Variants in IYD observed in about 807,000 individuals in gnomAD.
The protein encoded by IYD is iodotyrosine deiodinase.
A neutral mutation model predicts 28.4 loss-of-function variants in IYD; 25 were observed. The ratio of observed to expected loss-of-function variants is 0.88; its 90% CI spans 0.64 to 1.23. The LOEUF is 1.23. Among genes scored for constraint, IYD ranks in the 50% most tolerant of loss-of-function variants. The pLI is 0.00. For synonymous variants in IYD, 140 were observed against 130.8 expected (o/e 1.07, Z -0.48); for missense variants, 352 against 357.9 (o/e 0.98, Z 0.13).
At position 150,404,977 on chromosome 6, in the gene IYD, C is replaced by G. The variant is rs567866574; in HGVS notation, c.*6740C>G. The G allele has an allele frequency of 2.6e-5, 4 of 152,344 alleles. No homozygotes were observed. Among genetic ancestry groups the G allele is most frequent in the African/African-American group, 9.6e-5 (4 of 41,574 alleles). The allele number at this position is 152,344 out of a possible 1,614,324, so 9.4% of individuals were successfully genotyped here. ...GCTGTTATAGCTTCACCAATCACAA[C>G]AAGCACAGTGCTTGGAACATAATAG... is the stretch of plus-strand genomic sequence containing the variant. On this transcript the variant is annotated 3_prime_UTR_variant, in exon 5 of 5. Transcript: ENST00000344419.
chr6:150,370,319 A>ATGAGTGTGTGTG (rs1777187593), intron 1 of IYD, among the ~76,000 whole-genome samples: 1 of 149,088 alleles, frequency 6.7e-6, no homozygotes. Flanking sequence ...GTGTGTGTGC[A>ATGAGTGTGTGTG]CGAGTGGGTG....
intron 4 of IYD, among the ~76,000 whole-genome samples, chr6:150,394,880 G>A (rs1778253571): frequency 6.6e-6 from 1 of 152,204 alleles, no homozygotes; most frequent in Admixed American, 6.5e-5. Context: ...TCAGGCTGGA[G>A]TGCAGTGGCA....
chr6:150,378,226 T>C (rs936096679), intron 1 of IYD, among the ~76,000 whole-genome samples: 1 of 151,294 alleles, frequency 6.6e-6, no homozygotes, highest in African/African-American at 2.4e-5. Flanking sequence ...ATGTGCACAA[T>C]GTGCAGGTTA....
chr6:150,398,761 G>A lies in IYD; in HGVS notation c.*524G>A, dbSNP rs1778418987. 6.4e-6 allele frequency: 1 copy of A among 155,598 alleles called. No individual in the cohort carries two copies. Among genetic ancestry groups the A allele is most frequent in the East Asian group, 1.9e-4 (1 of 5,240 alleles). 9.6% of individuals were successfully genotyped at this position (155,598 alleles called of 1,614,324 possible). On this transcript the variant is annotated 3_prime_UTR_variant, in exon 5 of 5. Transcript: ENST00000344419. ...TAACCATCAAAGTTACTAAAACATGGCCAGGCGCAGTGGCTCATGCCTGTA... is the reference window on the plus strand; with the variant it reads ...TAACCATCAAAGTTACTAAAACATGACCAGGCGCAGTGGCTCATGCCTGTA...
Position 150,392,512 on chromosome 6 carries a change from C to T in IYD, c.530+8C>T. On this transcript the variant is annotated splice_region_variant and intron_variant, in intron 3 of 4. Transcript: ENST00000344419. Reference sequence around the variant, plus strand: ...AGACCTCAAGAAACTGAGGTACAAACAGTGGTGGAACTGGGGATGTTTGCC... The same window carrying T: ...AGACCTCAAGAAACTGAGGTACAAATAGTGGTGGAACTGGGGATGTTTGCC... The T allele has an allele frequency of 6.2e-7, 1 of 1,613,674 alleles. No individual in the cohort carries two copies. The highest frequency in any genetic ancestry group is 8.5e-7 in the Non-Finnish European group (1 of 1,179,780).
intron 2 of IYD, among the ~76,000 whole-genome samples, chr6:150,390,104 G>A (rs1778055283): frequency 6.6e-6 from 1 of 152,144 alleles, no homozygotes; most frequent in Non-Finnish European, 1.5e-5. Flanking sequence ...TACAGAAAAT[G>A]GGGAGGAGAA....
intron 4 of IYD, among the ~76,000 whole-genome samples, chr6:150,394,831 CT>C (rs1778250960): frequency 6.6e-6 from 1 of 152,154 alleles, no homozygotes; most frequent in Admixed American, 6.5e-5. Context: ...TTCTGAGCTC[CT>C]TTTTGTTTTG....
At chr6:150,382,355 A>T (rs1582781382) in intron 1 of IYD, among the ~76,000 whole-genome samples, 1 of 152,246 alleles carries the variant, frequency 6.6e-6, no homozygotes, top group East Asian at 1.9e-4. Flanking sequence ...TTGATCCCAA[A>T]GCTACTTCCT....
intron 3 of IYD, among the ~76,000 whole-genome samples, chr6:150,393,279 T>G (rs1778193443): frequency 6.6e-6 from 1 of 152,234 alleles, no homozygotes; most frequent in Non-Finnish European, 1.5e-5. Context: ...CCAGCTCCAG[T>G]GCAGATCTTC....
chr6:150,395,700 C>A lies in IYD; in HGVS notation c.687+1445C>A, dbSNP rs143130779. The A allele has an allele frequency of 2.2e-3, 1,674 of 773,090 alleles. 3 individuals are homozygous for A. The highest frequency in any genetic ancestry group is 3.2e-3 in the Non-Finnish European group (1,460 of 451,340). The allele number at this position is 773,090 out of a possible 1,614,324, so 47.9% of individuals were successfully genotyped here. A position where few individuals can be genotyped will look rare whatever the true frequency, so the allele number is the denominator to read the frequency against. On this transcript the variant is annotated intron_variant, in intron 4 of 4. Coordinates refer to ENST00000344419, the MANE Select transcript of IYD (RefSeq NM_203395.3). ...AAAAATCTCCATGAAGCCCGCATCT[C>A]CAGTATGGTGACTGGGTCTGATAAG...
chr6:150,371,333 G>T (rs530110315), intron 1 of IYD, among the ~76,000 whole-genome samples: 1 of 152,320 alleles, frequency 6.6e-6, no homozygotes, highest in Non-Finnish European at 1.5e-5. Context: ...TCAGGAAGGT[G>T]ATTGCAGAGA....
rs1470769566 is a variant in IYD at position 150,402,198 on chromosome 6, T to G, written c.*3961T>G. The G allele has an allele frequency of 6.6e-6, 1 of 152,144 alleles. No individual in the cohort carries two copies. The highest frequency in any genetic ancestry group is 2.4e-5 in the African/African-American group (1 of 41,424). The allele number at this position is 152,144 out of a possible 1,614,324, so 9.4% of individuals were successfully genotyped here. A position where few individuals can be genotyped will look rare whatever the true frequency, so the allele number is the denominator to read the frequency against. ...CTGGAAACCCTCCGAGACAATTACT[T>G]GCATGGGGTAACCCAGTAATACTGT... On this transcript the variant is annotated 3_prime_UTR_variant, in exon 5 of 5. Coordinates refer to ENST00000344419, the MANE Select transcript of IYD (RefSeq NM_203395.3).
intron 4 of IYD, chr6:150,396,186 A>G: frequency 3.3e-6 from 1 of 302,248 alleles, no homozygotes; most frequent in South Asian, 9.8e-5. Flanking sequence ...TATTGCTAAC[A>G]CTACTGTGGT....
intron 2 of IYD, among the ~76,000 whole-genome samples, chr6:150,390,018 G>A (rs959403607): frequency 1.3e-5 from 2 of 151,908 alleles, no homozygotes; most frequent in Admixed American, 6.6e-5. Context: ...ATGTAAATTT[G>A]CACAGTAAAA....
chr6:150,371,513 G>A (rs1446423313), intron 1 of IYD, among the ~76,000 whole-genome samples: 2 of 152,206 alleles, frequency 1.3e-5, no homozygotes, highest in Non-Finnish European at 1.5e-5. Context: ...GAGGACACAG[G>A]AGAGCTCGGG....
intron 1 of IYD, among the ~76,000 whole-genome samples, chr6:150,380,713 C>T (rs112878096): frequency 2.7e-5 from 4 of 149,786 alleles, no homozygotes; most frequent in African/African-American, 7.3e-5. Context: ...TTTCTTCTTC[C>T]ACCTCACACC....
intron 1 of IYD, among the ~76,000 whole-genome samples, chr6:150,377,526 G>A (rs1314914418): frequency 2.0e-5 from 3 of 152,226 alleles, no homozygotes; most frequent in Admixed American, 6.5e-5. Flanking sequence ...CCATCAGGAG[G>A]TGATGAGGAT....
intron 1 of IYD, among the ~76,000 whole-genome samples, chr6:150,378,430 T>C (rs1777529106): frequency 6.6e-6 from 1 of 152,018 alleles, no homozygotes; most frequent in Non-Finnish European, 1.5e-5. Context: ...ACATGCGGTG[T>C]TTGGTTTTTT....
chr6:150,394,575 C>T (rs1778241647), intron 4 of IYD, among the ~76,000 whole-genome samples: 1 of 152,180 alleles, frequency 6.6e-6, no homozygotes, highest in African/African-American at 2.4e-5. Context: ...GGCTAACTCC[C>T]TGGATACGTT....
Sources: allele counts gnomAD v4.1 joint callset (sites outside exome capture counted in the v4.1 genomes callset), GRCh38; gene constraint gnomAD v4.1.1; transcripts MANE v1.5; gene names NCBI Gene and HGNC (gene_info 2026-07-23, HGNC 2026-07-21).